The following GREM2 variants were observed in gnomAD, a reference collection of about 807,000 sequenced individuals.
The protein encoded by GREM2 is gremlin-2.
In GREM2, 11 loss-of-function variants were observed where a neutral mutation model predicts 14.2. The observed-to-expected ratio is 0.78, with a 90% confidence interval of 0.49 to 1.28. GREM2 has a LOEUF of 1.28. GREM2 is among the 50% of genes most tolerant of loss of function. The pLI is 0.00. For missense variants in GREM2, 210 were observed against 218.5 expected (o/e 0.96, Z 0.24); for synonymous variants, 98 against 97.6 (o/e 1.00, Z -0.02).
intron 1 of GREM2, among the ~76,000 whole-genome samples, chr1:240,520,117 T>TAAAATAAAATAAAATA (rs1284549816): frequency 2.6e-5 from 4 of 151,966 alleles, no homozygotes; most frequent in African/African-American, 9.7e-5. Context: ...TAAAATAAAA[T>TAAAATAAAATAAAATA]AGTCATCAAA....
chr1:240,606,823 C>A (rs532629602), intron 1 of GREM2, among the ~76,000 whole-genome samples: 1 of 151,978 alleles, frequency 6.6e-6, no homozygotes, highest in Non-Finnish European at 1.5e-5. Flanking sequence ...GGATTACAGG[C>A]GTGCACCACC....
intron 1 of GREM2, among the ~76,000 whole-genome samples, chr1:240,502,359 T>C (rs1677588726): frequency 6.6e-6 from 1 of 152,146 alleles, no homozygotes; most frequent in Non-Finnish European, 1.5e-5. Context: ...CCTCTGAAAC[T>C]CTTGAGAAAA....
At chr1:240,497,238 C>A (rs1344827897) in intron 1 of GREM2, among the ~76,000 whole-genome samples, 1 of 151,966 alleles carries the variant, frequency 6.6e-6, no homozygotes, top group Non-Finnish European at 1.5e-5. Context: ...AAGAAGCATT[C>A]TTTTTAAAAA....
At chr1:240,609,413 G>A (rs1481719416) in intron 1 of GREM2, among the ~76,000 whole-genome samples, 1 of 151,904 alleles carries the variant, frequency 6.6e-6, no homozygotes, top group Non-Finnish European at 1.5e-5. Flanking sequence ...ATTAATTCTA[G>A]ACATTATTAG....
At chr1:240,555,539 A>G (rs1678939735) in intron 1 of GREM2, among the ~76,000 whole-genome samples, 2 of 152,240 alleles carry the variant, frequency 1.3e-5, no homozygotes, top group African/African-American at 2.4e-5. Flanking sequence ...GCCAAATCAG[A>G]TACAATGAAA....
At chr1:240,598,723 G>A (rs1054443744) in intron 1 of GREM2, among the ~76,000 whole-genome samples, 1 of 152,184 alleles carries the variant, frequency 6.6e-6, no homozygotes, top group Non-Finnish European at 1.5e-5. Flanking sequence ...TAAGTGAGTA[G>A]CCATGGAATA....
chr1:240,591,533 G>A (rs567770921), intron 1 of GREM2, among the ~76,000 whole-genome samples: 14 of 152,280 alleles, frequency 9.2e-5, no homozygotes, highest in Middle Eastern at 3.4e-3. Flanking sequence ...CGACGCTCAC[G>A]TTTTGGCGGA....
chr1:240,516,127 C>CTT lies in GREM2; in HGVS notation c.-1-22653_-1-22652dup, dbSNP rs34728833. Among the ~76,000 whole-genome samples the CTT allele has an allele frequency of 6.8e-3, 973 of 143,502 alleles. 6 individuals carry two copies. The highest frequency in any genetic ancestry group is 0.018 in the African/African-American group (714 of 38,884). 94.1% of individuals were successfully genotyped at this position (143,502 alleles called of 152,430 possible). A position where few individuals can be genotyped will look rare whatever the true frequency, so the allele number is the denominator to read the frequency against. On this transcript the variant is annotated intron_variant, in intron 1 of 1. Transcript: ENST00000318160. ...GTCATTGAGTTCTCTCCAACCCTGA[C>CTT]TTTTTTTTTTTTTTTAAGAGATGGG...
chr1:240,493,533 T>C, intron 1 of GREM2, 57 bp from the exon 2 acceptor site: 1 of 1,450,966 alleles, frequency 6.9e-7, no homozygotes, highest in South Asian at 1.5e-5. Context: ...ACGGGATCAA[T>C]CTTACTTATT....
chr1:240,524,762 TG>T (rs1244119759), intron 1 of GREM2, among the ~76,000 whole-genome samples: 1 of 152,238 alleles, frequency 6.6e-6, no homozygotes, highest in Non-Finnish European at 1.5e-5. Context: ...ACCTTTCTTT[TG>T]CACACTTTTT....
chr1:240,576,364 C>T (rs1371244619), intron 1 of GREM2, among the ~76,000 whole-genome samples: 3 of 152,178 alleles, frequency 2.0e-5, no homozygotes, highest in Non-Finnish European at 2.9e-5. Context: ...CCTCTCTTGA[C>T]GAAGCTTCCT....
intron 1 of GREM2, among the ~76,000 whole-genome samples, chr1:240,538,734 AAAC>A (rs1172601442): frequency 1.2e-4 from 19 of 152,190 alleles, no homozygotes; most frequent in African/African-American, 3.9e-4. Flanking sequence ...ACAAACAAAC[AAAC>A]AACAAAAAAC....
intron 1 of GREM2, among the ~76,000 whole-genome samples, chr1:240,524,111 A>G (rs945938462): frequency 2.6e-5 from 4 of 152,202 alleles, no homozygotes; most frequent in Non-Finnish European, 5.9e-5. Flanking sequence ...CAAACTTGTG[A>G]GCTCAAGCAA....
intron 1 of GREM2, among the ~76,000 whole-genome samples, chr1:240,529,680 A>AT (rs554274528): frequency 9.2e-5 from 14 of 152,134 alleles, no homozygotes; most frequent in East Asian, 7.7e-4. Flanking sequence ...ATTTTTAATG[A>AT]TTTTTTTTAA....
rs914855747 is a variant in GREM2 at position 240,547,219 on chromosome 1, G to A, written c.-1-53743C>T. On this transcript the variant is annotated intron_variant, in intron 1 of 1. Coordinates refer to ENST00000318160, the MANE Select transcript of GREM2 (RefSeq NM_022469.4). ...CTTTTGATGTAAAAATATGAATGGA[G>A]GCCAGGCACGGTGCCTCATGCCTGT... is the stretch of plus-strand genomic sequence containing the variant. 6.6e-5 allele frequency among the ~76,000 whole-genome samples: 10 copies of A among 152,130 alleles called. No individual in the cohort carries two copies. In the East Asian group the frequency reaches 7.8e-4, roughly 12 times the overall value.
chr1:240,610,238 T>C (rs1680106947), intron 1 of GREM2, among the ~76,000 whole-genome samples: 1 of 152,210 alleles, frequency 6.6e-6, no homozygotes, highest in African/African-American at 2.4e-5. Context: ...GTTGGGTCGA[T>C]TAACTTATAT....
chr1:240,531,381 C>T (rs944393520), intron 1 of GREM2, among the ~76,000 whole-genome samples: 1 of 152,226 alleles, frequency 6.6e-6, no homozygotes, highest in African/African-American at 2.4e-5. Flanking sequence ...CAGCACAGTA[C>T]AAGCTAGACA....
intron 1 of GREM2, among the ~76,000 whole-genome samples, chr1:240,503,866 C>G (rs532445975): frequency 2.0e-5 from 3 of 152,266 alleles, no homozygotes; most frequent in Admixed American, 1.3e-4. Flanking sequence ...TTTTCTCCCC[C>G]ACTGGAGTCT....
intron 1 of GREM2, among the ~76,000 whole-genome samples, chr1:240,595,468 G>A (rs1044787207): frequency 6.6e-6 from 1 of 152,222 alleles, no homozygotes; most frequent in Middle Eastern, 3.4e-3. Context: ...GCAGCCCTTG[G>A]CAACCCAGAG....
Sources: allele counts gnomAD v4.1 joint callset (sites outside exome capture counted in the v4.1 genomes callset), GRCh38; gene constraint gnomAD v4.1.1; transcripts MANE v1.5; gene names NCBI Gene and HGNC (gene_info 2026-07-23, HGNC 2026-07-21).